Variants in DNAH17 observed in about 807,000 individuals in gnomAD.
DNAH17 encodes the protein axonemal beta dynein heavy chain 17.
A neutral mutation model predicts 485.6 loss-of-function variants in DNAH17; 376 were observed. The ratio of observed to expected loss-of-function variants is 0.77; its 90% CI spans 0.71 to 0.84. DNAH17 has a LOEUF of 0.84. Among genes scored for constraint, DNAH17 ranks in the 40% least tolerant of loss-of-function variants. The pLI, the probability that DNAH17 is intolerant of heterozygous loss-of-function variation, is 0.00. For missense variants in DNAH17, 6,370 were observed against 5,839.3 expected (o/e 1.09, Z -2.96); for synonymous variants, 3,031 against 2,405.9 (o/e 1.26, Z -7.60).
chr17:78,474,129 C>G (rs1461165278), intron 54 of DNAH17, among the ~76,000 whole-genome samples: 1 of 152,226 alleles, frequency 6.6e-6, no homozygotes, highest in African/African-American at 2.4e-5. Context: ...TGCCTGCAGA[C>G]ACCTCCCACT....
intron 35 of DNAH17, 27 bp from the exon 36 acceptor site, chr17:78,500,488 G>A (rs1171902549): frequency 2.6e-6 from 4 of 1,541,492 alleles, no homozygotes; most frequent in Non-Finnish European, 3.5e-6. Flanking sequence ...GTAAGCGTGT[G>A]TGCCAGCGAC....
intron 11 of DNAH17, among the ~76,000 whole-genome samples, chr17:78,564,261 C>T (rs1244111505): frequency 6.6e-6 from 1 of 152,214 alleles, no homozygotes; most frequent in Non-Finnish European, 1.5e-5. Flanking sequence ...TCCTTATCTG[C>T]TCTTCCCCTT....
At position 78,522,301 on chromosome 17, in the gene DNAH17, G is replaced by T. The variant is rs1192136958; in HGVS notation, c.3864+2708C>A. The T allele has an allele frequency of 3.5e-5, 9 of 258,616 alleles. No homozygotes were observed. In the Admixed American group the frequency reaches 3.9e-4, roughly 11 times the overall value. 16.0% of individuals were successfully genotyped at this position (258,616 alleles called of 1,614,324 possible). ...CCACAGTACCTCCACTGAGAATGCA[G>T]ACAAGTCCAACCAGGACCCTCAGTA... On this transcript the variant is annotated intron_variant, in intron 25 of 80. Coordinates refer to ENST00000389840, the MANE Select transcript of DNAH17 (RefSeq NM_173628.4).
In DNAH17 at chr17:78,501,162, G is replaced by A. The variant is rs780823641; in HGVS notation, c.5483+22C>T. The A allele has an allele frequency of 3.8e-6, 6 of 1,558,744 alleles. No individual in the cohort carries two copies. The South Asian group carries it at 6.0e-5, about 16-fold the overall frequency. ...AGGGACCCACCAAGAGCACATGTGA[G>A]TTACTCAGGGACGGGCCTCACCTGT... On this transcript the variant is annotated intron_variant, in intron 35 of 80. Coordinates refer to ENST00000389840, the MANE Select transcript of DNAH17 (RefSeq NM_173628.4).
At chr17:78,510,275 C>T in intron 27 of DNAH17, 109 bp downstream of exon 27, 3 of 1,507,082 alleles carry the variant, frequency 2.0e-6, no homozygotes, top group South Asian at 2.5e-5. Flanking sequence ...GCCAGACTTC[C>T]CGTGAGAGCC....
At chr17:78,503,081 T>C (rs1391920380) in intron 31 of DNAH17, 70 bp from the exon 32 acceptor site, 21 of 1,499,866 alleles carry the variant, frequency 1.4e-5, no homozygotes, top group Non-Finnish European at 1.9e-5. Context: ...ATTTTGTTTG[T>C]ATTTGTTGTA....
chr17:78,545,490 T>C (rs986914965), intron 16 of DNAH17, among the ~76,000 whole-genome samples: 4 of 152,164 alleles, frequency 2.6e-5, no homozygotes, highest in African/African-American at 7.2e-5. Flanking sequence ...GATGGCCGCC[T>C]TCTTGTTGTG....
At chr17:78,485,073 TGAGCCA>T in intron 47 of DNAH17, 40 bp from the exon 48 acceptor site, 2 of 1,562,716 alleles carry the variant, frequency 1.3e-6, no homozygotes, top group Non-Finnish European at 1.7e-6. Context: ...CTGCGCCTCC[TGAGCCA>T]GAGCCTGTTA....
intron 35 of DNAH17, chr17:78,500,692 A>G (rs2090253464): frequency 2.9e-6 from 1 of 341,828 alleles, no homozygotes; most frequent in African/African-American, 2.2e-5. Flanking sequence ...TATTTTCAGT[A>G]GAGATGAGGT....
chr17:78,557,996 A>T, intron 14 of DNAH17, 112 bp downstream of exon 14: 2 of 1,287,130 alleles, frequency 1.6e-6, no homozygotes, highest in South Asian at 3.1e-5. Flanking sequence ...AATTTGAGTG[A>T]ATGGGAAGAT....
Position 78,567,078 on chromosome 17 carries a change from G to GT in DNAH17, c.1372dup (p.Thr458AsnfsTer5). ...CTCAAAGACCTCATCATAGATACGG[G>GT]TCACCAGGCTCCCGAGGAGGTTCCC... On this transcript the variant is annotated frameshift_variant, in exon 10 of 81. Transcript: ENST00000389840. LOFTEE classifies it high-confidence loss of function. The GT allele has an allele frequency of 6.2e-7, 1 of 1,613,526 alleles. No homozygotes were observed. Among genetic ancestry groups the GT allele is most frequent in the Non-Finnish European group, 8.5e-7 (1 of 1,179,728 alleles).
At chr17:78,530,718 C>A (rs1015626287) in intron 20 of DNAH17, among the ~76,000 whole-genome samples, 3 of 152,296 alleles carry the variant, frequency 2.0e-5, no homozygotes, top group African/African-American at 4.8e-5. Context: ...AGAGTCTAGC[C>A]CCAGAAGGTG....
chr17:78,533,203 C>T (rs1598658491), intron 19 of DNAH17: 1 of 185,002 alleles, frequency 5.4e-6, no homozygotes, highest in South Asian at 1.2e-4. Context: ...TCACTGCGTA[C>T]CACATGCTGG....
At chr17:78,566,794 C>G in intron 10 of DNAH17, 64 bp from the exon 11 acceptor site, 1 of 1,391,282 alleles carries the variant, frequency 7.2e-7, no homozygotes, top group Non-Finnish European at 9.9e-7. Flanking sequence ...GGCACCCTCT[C>G]CAGCCCCTGC....
intron 11 of DNAH17, among the ~76,000 whole-genome samples, chr17:78,563,497 C>T (rs992590385): frequency 6.5e-5 from 9 of 138,862 alleles, no homozygotes; most frequent in African/African-American, 2.1e-4. Context: ...ACCCCAAAAA[C>T]CTGAAGACCC....
intron 17 of DNAH17, among the ~76,000 whole-genome samples, chr17:78,540,212 T>A (rs1013105843): frequency 3.1e-4 from 17 of 54,384 alleles, no homozygotes; most frequent in African/African-American, 1.3e-3. Context: ...AATTATTTTA[T>A]TTGTCTTTGT....
chr17:78,534,757 G>A (rs150089552), intron 19 of DNAH17, among the ~76,000 whole-genome samples: 2 of 152,272 alleles, frequency 1.3e-5, no homozygotes, highest in African/African-American at 4.8e-5. Flanking sequence ...CCTGCTGCCT[G>A]GGGTCTCTGC....
In DNAH17 at chr17:78,485,728, GATGGTT is replaced by G; in HGVS notation, c.7299_7304del (p.Glu2433_Ile2435delinsAsp). On this transcript the variant is annotated inframe_deletion, in exon 47 of 81. Transcript: ENST00000389840. ...GCAGGTCCATGAAGTAGCGGATGCG[GATGGTT>G]TCCGTGGTGTGGACCAAAGAGGCCT... 6.2e-7 allele frequency: 1 copy of G among 1,614,004 alleles called. No individual in the cohort carries two copies. Among genetic ancestry groups the G allele is most frequent in the Non-Finnish European group, 8.5e-7 (1 of 1,179,904 alleles).
At chr17:78,491,650 T>C in intron 42 of DNAH17, 80 bp from the exon 43 acceptor site, 2 of 1,523,946 alleles carry the variant, frequency 1.3e-6, no homozygotes, top group Non-Finnish European at 1.8e-6. Context: ...CCCTGGCCTC[T>C]CTCTCTGGGA....
Sources: gnomAD v4.1 joint callset for allele counts (sites outside exome capture counted in the v4.1 genomes callset) on GRCh38, gnomAD v4.1.1 for gene constraint, MANE v1.5 for transcripts, NCBI Gene and HGNC (gene_info 2026-07-23, HGNC 2026-07-21) for gene names.